The following PCBP3 variants were observed in gnomAD, a reference collection of about 807,000 sequenced individuals.
PCBP3 encodes the protein poly(rC)-binding protein 3.
PCBP3 carries 25 observed loss-of-function variants against 52.7 expected under a neutral mutation model. That is an observed-to-expected ratio of 0.47 (90% CI 0.35 to 0.66). The LOEUF is 0.66. Among genes scored for constraint, PCBP3 ranks in the 30% least tolerant of loss-of-function variants. The pLI is 0.01. For synonymous variants in PCBP3, 162 were observed against 183.0 expected (o/e 0.89, Z 0.93); for missense variants, 391 against 490.3 (o/e 0.80, Z 1.91).
Position 45,941,801 on chromosome 21 carries a change from G to T in PCBP3, c.*95G>T. On this transcript the variant is annotated 3_prime_UTR_variant, in exon 18 of 18. Coordinates refer to ENST00000681687, the MANE Select transcript of PCBP3 (RefSeq NM_001384156.1). ...TACAGCCCACCTTCCCTGCCTCACA[G>T]ATACCAATAGAGAGGTTTTCTTAAT... is the stretch of plus-strand genomic sequence containing the variant. The T allele has an allele frequency of 1.1e-6, 1 of 938,006 alleles. No individual in the cohort carries two copies. The highest frequency in any genetic ancestry group is 1.7e-5 in the South Asian group (1 of 57,660). 58.1% of individuals were successfully genotyped at this position (938,006 alleles called of 1,614,324 possible).
At chr21:45,849,546 A>G (rs966905159) in intron 4 of PCBP3, among the ~76,000 whole-genome samples, 1 of 152,226 alleles carries the variant, frequency 6.6e-6, no homozygotes, top group African/African-American at 2.4e-5. Context: ...CTCTAAGACC[A>G]TGCTGAAATT....
rs1003538921 is a variant in PCBP3 at position 45,817,231 on chromosome 21, G to A, written c.-125-32730G>A. Among the ~76,000 whole-genome samples the A allele has an allele frequency of 6.6e-6, 1 of 152,104 alleles. No individual in the cohort carries two copies. Among genetic ancestry groups the A allele is most frequent in the Non-Finnish European group, 1.5e-5 (1 of 68,026 alleles). ...ACTATCCCTTCCTCTAGAACTTAAC[G>A]TTGTCCTCCTCCTAAGGTGTAGCCT... is the stretch of plus-strand genomic sequence containing the variant. On this transcript the variant is annotated intron_variant, in intron 4 of 17. Coordinates refer to ENST00000681687, the MANE Select transcript of PCBP3 (RefSeq NM_001384156.1). This position sits in a 1 kb window ranked among gnomAD's most constrained non-coding sequence, Gnocchi z 4.3.
rs1485690100 is a variant in PCBP3 at position 45,925,988 on chromosome 21, G to A, written c.718-3929G>A. Among the ~76,000 whole-genome samples the A allele has an allele frequency of 2.6e-5, 4 of 152,234 alleles. No individual in the cohort carries two copies. In the East Asian group the frequency reaches 7.7e-4, roughly 29 times the overall value. ...CTCGAACGTTACACCTGCCACAGCT[G>A]TAGAATTCATGGAGACATTTACAAA... On this transcript the variant is annotated intron_variant, in intron 13 of 17. Coordinates refer to ENST00000681687, the MANE Select transcript of PCBP3 (RefSeq NM_001384156.1).
intron 4 of PCBP3, among the ~76,000 whole-genome samples, chr21:45,812,518 G>T (rs536266907): frequency 9.9e-5 from 15 of 152,236 alleles, no homozygotes; most frequent in African/African-American, 3.1e-4. Flanking sequence ...CGATTCTCCT[G>T]CCTCAGCCTC....
Position 45,805,091 on chromosome 21 carries a change from G to A in PCBP3, c.-125-44870G>A, listed in dbSNP as rs540439806. 2.5e-4 allele frequency among the ~76,000 whole-genome samples: 38 copies of A among 152,330 alleles called. No homozygotes were observed. The highest frequency in any genetic ancestry group is 6.5e-4 in the African/African-American group (27 of 41,574). ...GGGGAGAGCCGTGCAGCCCCAGGCC[G>A]TGTGTGGGAAGGCCTGTGCCACTCT... On this transcript the variant is annotated intron_variant, in intron 4 of 17. Coordinates refer to ENST00000681687, the MANE Select transcript of PCBP3 (RefSeq NM_001384156.1). The surrounding 1 kb of genome is among the most constrained non-coding windows in gnomAD (Gnocchi z 4.6).
At chr21:45,824,781 G>A (rs2093262696) in intron 4 of PCBP3, among the ~76,000 whole-genome samples, 3 of 152,216 alleles carry the variant, frequency 2.0e-5, no homozygotes, top group South Asian at 2.1e-4. Flanking sequence ...GGATTCACCC[G>A]CTGCTTTGCT....
rs1325120220 is a variant in PCBP3, at chr21:45,656,727, G to C, written c.-278-12147G>C. ...AACTGGATTGTCTTTTTATCGCTGA[G>C]TTGTAAGTGTTCTTTATGTATTCTG... On this transcript the variant is annotated intron_variant, in intron 1 of 17. Transcript: ENST00000681687. The surrounding 1 kb of genome is among the most constrained non-coding windows in gnomAD (Gnocchi z 4.3). Among the ~76,000 whole-genome samples the C allele has an allele frequency of 6.6e-6, 1 of 152,136 alleles. No individual in the cohort carries two copies. Among genetic ancestry groups the C allele is most frequent in the Non-Finnish European group, 1.5e-5 (1 of 68,018 alleles).
intron 5 of PCBP3, among the ~76,000 whole-genome samples, chr21:45,868,984 C>T (rs1312134358): frequency 6.6e-6 from 1 of 152,230 alleles, no homozygotes; most frequent in Non-Finnish European, 1.5e-5. Flanking sequence ...ACAATTCAGA[C>T]GCCCCAGCTG....
chr21:45,892,941 A>G (rs1414979786), intron 5 of PCBP3, among the ~76,000 whole-genome samples: 1 of 148,864 alleles, frequency 6.7e-6, no homozygotes, highest in Non-Finnish European at 1.5e-5. Flanking sequence ...AACTCTGGAG[A>G]GGGGAGGGAG....
Position 45,940,012 on chromosome 21 carries a change from C to T in PCBP3, c.910-18C>T, listed in dbSNP as rs1187576565. 1.9e-6 allele frequency: 3 copies of T among 1,609,756 alleles called. No homozygotes were observed. Among genetic ancestry groups the T allele is most frequent in the East Asian group, 2.2e-5 (1 of 44,822 alleles). On this transcript the variant is annotated intron_variant, in intron 16 of 17. Transcript: ENST00000681687. The stretch of plus-strand genomic sequence containing the variant: ...GCTTGGGCTGTTCTCTAAGAAATCC[C>T]CCCGTCCTTGTTTCTAGCTAATAGG...
chr21:45,746,941 G>A (rs1182280173), intron 3 of PCBP3, among the ~76,000 whole-genome samples: 2 of 68,764 alleles, frequency 2.9e-5, no homozygotes, highest in Non-Finnish European at 5.3e-5. Flanking sequence ...GTCCATTGAC[G>A]TAGCGCACAC....
intron 2 of PCBP3, among the ~76,000 whole-genome samples, chr21:45,713,617 C>T (rs2084007327): frequency 6.6e-6 from 1 of 152,186 alleles, no homozygotes. Flanking sequence ...GTGTGGGCTC[C>T]CTGAAGATGT....
chr21:45,939,909 G>C, intron 16 of PCBP3, 121 bp from the exon 17 acceptor site: 1 of 869,620 alleles, frequency 1.1e-6, no homozygotes. Context: ...TTGAGCTCAG[G>C]TCTTGGGGCA....
chr21:45,757,280 G>T (rs1251362117), intron 4 of PCBP3, among the ~76,000 whole-genome samples: 1 of 152,202 alleles, frequency 6.6e-6, no homozygotes, highest in Non-Finnish European at 1.5e-5. Context: ...AGTCACTAGT[G>T]ATGTGGAACA....
intron 2 of PCBP3, among the ~76,000 whole-genome samples, chr21:45,700,493 C>T (rs2083049727): frequency 6.6e-6 from 1 of 152,326 alleles, no homozygotes; most frequent in East Asian, 1.9e-4. Context: ...GATGAGTACA[C>T]AGCACCCCCT....
intron 11 of PCBP3, chr21:45,911,398 G>T (rs1409975197): frequency 8.2e-6 from 2 of 244,270 alleles, no homozygotes; most frequent in Middle Eastern, 6.7e-4. Context: ...TTGGGGGGCA[G>T]CTGGGGGTGG....
At chr21:45,755,224 C>G (rs1299553025) in intron 3 of PCBP3, among the ~76,000 whole-genome samples, 193 bp from the exon 4 acceptor site, 1 of 152,160 alleles carries the variant, frequency 6.6e-6, no homozygotes, top group African/African-American at 2.4e-5. Context: ...TCTGCTTTAT[C>G]CCTTGCCCAT....
chr21:45,792,222 C>T (rs187156410), intron 4 of PCBP3, among the ~76,000 whole-genome samples: 1 of 152,388 alleles, frequency 6.6e-6, no homozygotes, highest in East Asian at 1.9e-4. Flanking sequence ...GTGGGAGAAA[C>T]AGTAGCTTGT....
chr21:45,794,529 AG>A (rs1569231439), intron 4 of PCBP3, among the ~76,000 whole-genome samples: 1 of 152,264 alleles, frequency 6.6e-6, no homozygotes, highest in East Asian at 1.9e-4. Flanking sequence ...CAAAAGGTGG[AG>A]TAGAATGGAA....
Sources: gnomAD v4.1 joint callset for allele counts (sites outside exome capture counted in the v4.1 genomes callset) on GRCh38, gnomAD v4.1.1 for gene constraint, Gnocchi (gnomAD v3.1) non-coding constraint, MANE v1.5 for transcripts, NCBI Gene and HGNC (gene_info 2026-07-23, HGNC 2026-07-21) for gene names.